Variants in GNAI1 observed in about 807,000 individuals in gnomAD.
GNAI1 encodes the protein G protein subunit alpha i1.
GNAI1 carries 11 observed loss-of-function variants against 38.9 expected under a neutral mutation model. The ratio of observed to expected loss-of-function variants is 0.28; its 90% CI spans 0.18 to 0.47. The LOEUF is 0.47. Ranked by LOEUF, GNAI1 falls within the 20% of genes least tolerant of loss-of-function variation. The probability of loss-of-function intolerance (pLI) is 0.99; values close to 1 mark genes in which losing one functional copy is unlikely to be tolerated. For missense variants in GNAI1, 317 were observed against 436.9 expected (o/e 0.73, Z 2.45); for synonymous variants, 166 against 145.1 (o/e 1.14, Z -1.04).
chr7:80,198,577 C>G (rs979987881), intron 3 of GNAI1, among the ~76,000 whole-genome samples: 1 of 152,038 alleles, frequency 6.6e-6, no homozygotes, highest in African/African-American at 2.4e-5. Flanking sequence ...TATTTCTACT[C>G]CAAAGCTGTG....
rs1171424224 is a variant in GNAI1, at chr7:80,217,734, TTGA to T, written c.*246_*248del. 3.4e-6 allele frequency: 1 copy of T among 292,596 alleles called. No homozygotes were observed. Among genetic ancestry groups the T allele is most frequent in the African/African-American group, 2.2e-5 (1 of 46,430 alleles). The allele number at this position is 292,596 out of a possible 1,614,324, so 18.1% of individuals were successfully genotyped here. A position where few individuals can be genotyped will look rare whatever the true frequency, so the allele number is the denominator to read the frequency against. On this transcript the variant is annotated 3_prime_UTR_variant, in exon 8 of 8. Transcript: ENST00000649796. ...AGTGTTAAAGCTGGGCTCTAGTATA[TTGA>T]TGATTTCTGCATAAGTGTAAATATG... is the stretch of plus-strand genomic sequence containing the variant.
At chr7:80,152,416 A>C (rs1216521513) in intron 1 of GNAI1, among the ~76,000 whole-genome samples, 1 of 152,206 alleles carries the variant, frequency 6.6e-6, no homozygotes, top group Non-Finnish European at 1.5e-5. Context: ...TGATATACCC[A>C]ACAGGTGTTT....
intron 4 of GNAI1, 47 bp downstream of exon 4, chr7:80,199,429 G>T (rs1180154065): frequency 2.9e-6 from 4 of 1,390,446 alleles, no homozygotes; most frequent in South Asian, 1.4e-5. Context: ...ATAATTACTT[G>T]CAAGTCAAAT....
rs1180244878 is a variant in GNAI1, at chr7:80,135,239, G to A, written c.79G>A (p.Gly27Ser). ...KMIDRNLRED[G>S]EKAAREVKLL... The stretch of plus-strand genomic sequence containing the variant: ...GATCGACCGCAACCTCCGTGAGGAC[G>A]GCGAGAAGGCGGCGCGCGAGGTCAA... The change falls in exon 1 of 8, where the codon GGC becomes AGC. Residue 27 changes from glycine (G) to serine (S), a missense_variant. Transcript: ENST00000649796. 1 of 1,540,674 alleles carries A rather than the reference G, an allele frequency of 6.5e-7. No homozygotes were observed. The highest frequency in any genetic ancestry group is 8.7e-7 in the Non-Finnish European group (1 of 1,143,904).
chr7:80,165,397 T>C (rs1358353919), intron 1 of GNAI1, among the ~76,000 whole-genome samples: 3 of 152,184 alleles, frequency 2.0e-5, no homozygotes, highest in Non-Finnish European at 2.9e-5. Flanking sequence ...TAAAGGGCTG[T>C]TAACATTCCA....
chr7:80,182,472 C>T (rs1031697066), intron 1 of GNAI1, among the ~76,000 whole-genome samples: 4 of 152,032 alleles, frequency 2.6e-5, no homozygotes, highest in East Asian at 1.9e-4. Flanking sequence ...TGGATTTGAA[C>T]GTTTACAGTC....
At chr7:80,203,868 G>A in intron 5 of GNAI1, 36 bp downstream of exon 5, 1 of 1,186,112 alleles carries the variant, frequency 8.4e-7, no homozygotes, top group Non-Finnish European at 1.2e-6. Context: ...TCTAAATTTA[G>A]ATAAAAACAC....
intron 1 of GNAI1, among the ~76,000 whole-genome samples, chr7:80,148,725 A>G (rs552691481): frequency 6.6e-6 from 1 of 152,242 alleles, no homozygotes; most frequent in South Asian, 2.1e-4. Context: ...ATGATTTAGT[A>G]TAAGGGTTTG....
chr7:80,147,043 C>G (rs549526796), intron 1 of GNAI1, among the ~76,000 whole-genome samples: 195 of 152,248 alleles, frequency 1.3e-3, no homozygotes, highest in Non-Finnish European at 1.5e-3. Flanking sequence ...TGACCAAAAA[C>G]TATAATTAGT....
chr7:80,136,890 G>A (rs940680547), intron 1 of GNAI1, among the ~76,000 whole-genome samples: 1 of 152,108 alleles, frequency 6.6e-6, no homozygotes, highest in African/African-American at 2.4e-5. Context: ...CTAGAATAAA[G>A]GTCCCAGGAG....
rs1348639425 is a variant in GNAI1 at position 80,221,656 on chromosome 7, T to G, written c.*4163T>G. Among the ~76,000 whole-genome samples the G allele has an allele frequency of 6.9e-6, 1 of 144,330 alleles. No individual in the cohort carries two copies. The highest frequency in any genetic ancestry group is 2.6e-5 in the African/African-American group (1 of 38,470). 94.7% of individuals were successfully genotyped at this position (144,330 alleles called of 152,430 possible). ...ATTTTCTTTTTTTTTTTTTTTTTTT[T>G]TTTTTGGTATGGAGTCTTGCTCCTT... On this transcript the variant is annotated 3_prime_UTR_variant, in exon 8 of 8. Coordinates refer to ENST00000649796, the MANE Select transcript of GNAI1 (RefSeq NM_002069.6).
At chr7:80,204,691 C>A (rs982166587) in intron 5 of GNAI1, among the ~76,000 whole-genome samples, 3 of 152,126 alleles carry the variant, frequency 2.0e-5, no homozygotes, top group Non-Finnish European at 4.4e-5. Context: ...TTCTAAAATG[C>A]TCCATCTACT....
At chr7:80,153,050 A>G (rs956294077) in intron 1 of GNAI1, among the ~76,000 whole-genome samples, 1 of 152,228 alleles carries the variant, frequency 6.6e-6, no homozygotes, top group Non-Finnish European at 1.5e-5. Context: ...TATTTTAGAA[A>G]GATTTTTTTA....
intron 1 of GNAI1, among the ~76,000 whole-genome samples, chr7:80,180,132 G>A (rs1273329275): frequency 6.6e-6 from 1 of 152,078 alleles, no homozygotes; most frequent in African/African-American, 2.4e-5. Context: ...AAACAGCTTA[G>A]CAAAAACATG....
At chr7:80,135,648 A>ACCCCCCCCCCCCCCCCCCCCCC (rs1283561599) in intron 1 of GNAI1, 1 of 38,264 alleles carries the variant, frequency 2.6e-5, no homozygotes, top group Non-Finnish European at 4.6e-5. Context: ...AAATGAAAAC[A>ACCCCCCCCCCCCCCCCCCCCCC]CCCCCCCCCC....
chr7:80,200,014 G>A (rs1788649890), intron 4 of GNAI1, among the ~76,000 whole-genome samples: 1 of 151,970 alleles, frequency 6.6e-6, no homozygotes. Flanking sequence ...AGCAAGTTGT[G>A]ATGAAACCTA....
intron 4 of GNAI1, among the ~76,000 whole-genome samples, chr7:80,200,220 G>A (rs147429598): frequency 2.7e-5 from 4 of 150,558 alleles, no homozygotes; most frequent in South Asian, 4.2e-4. Context: ...GTTACTCAGC[G>A]GGGGCTGAGA....
chr7:80,197,898 A>C (rs1451759982), intron 3 of GNAI1, among the ~76,000 whole-genome samples: 1 of 152,104 alleles, frequency 6.6e-6, no homozygotes, highest in Admixed American at 6.6e-5. Flanking sequence ...CTTCTCTTCT[A>C]TACCCCTTAT....
At chr7:80,153,743 AGTGGTAT>A (rs199955504) in intron 1 of GNAI1, among the ~76,000 whole-genome samples, 1,830 of 152,244 alleles carry the variant, frequency 0.012, 17 homozygotes, top group East Asian at 0.045. Flanking sequence ...GGTAACACAA[AGTGGTAT>A]TTTATTTTTC....
Sources: gnomAD v4.1 joint callset for allele counts (sites outside exome capture counted in the v4.1 genomes callset) on GRCh38, gnomAD v4.1.1 for gene constraint, MANE v1.5 for transcripts, NCBI Gene and HGNC (gene_info 2026-07-23, HGNC 2026-07-21) for gene names.